Variants in CLIP1 observed in about 807,000 individuals in gnomAD.
The protein encoded by CLIP1 is CAP-Gly domain-containing linker protein 1.
CLIP1 carries 66 observed loss-of-function variants against 161.6 expected under a neutral mutation model. The observed-to-expected ratio is 0.41, with a 90% CI of 0.33 to 0.50. The LOEUF is 0.50. Among genes scored for constraint, CLIP1 ranks in the 20% least tolerant of loss-of-function variants. The probability of loss-of-function intolerance (pLI) is 0.27; values close to 1 mark genes in which losing one functional copy is unlikely to be tolerated. For synonymous variants in CLIP1, 598 were observed against 626.2 expected (o/e 0.96, Z 0.67); for missense variants, 1,376 against 1,702.0 (o/e 0.81, Z 3.37).
At position 122,336,321 on chromosome 12, in the gene CLIP1, C is replaced by T. The variant is rs550514460; in HGVS notation, c.2568+311G>A. Among the ~76,000 whole-genome samples, 28 of 149,922 alleles carry T rather than the reference C, an allele frequency of 1.9e-4. No homozygotes were observed. In the South Asian group the frequency reaches 5.2e-3, roughly 28 times the overall value. On this transcript the variant is annotated intron_variant, in intron 12 of 25. Coordinates refer to ENST00000620786, the MANE Select transcript of CLIP1 (RefSeq NM_001247997.2). ...ATTCAATATGAAACCTAACTGTGTTCGATGTATAACTTGGAAGGGCTCTGT... is the reference window on the plus strand; with the variant it reads ...ATTCAATATGAAACCTAACTGTGTTTGATGTATAACTTGGAAGGGCTCTGT...
chr12:122,382,641 G>A (rs1237528012), intron 1 of CLIP1, among the ~76,000 whole-genome samples: 1 of 152,072 alleles, frequency 6.6e-6, no homozygotes, highest in Non-Finnish European at 1.5e-5. Context: ...AGGAGGCAGA[G>A]GCTGCAGTGA....
Position 122,272,021 on chromosome 12 carries a change from A to T in CLIP1, c.*854T>A, listed in dbSNP as rs28364758. On this transcript the variant is annotated 3_prime_UTR_variant, in exon 26 of 26. Transcript: ENST00000620786. Reference sequence around the variant, plus strand: ...AACAAACAAATGAAAATGGTTGCAAAGCCACAAGATGCTATGTCTGGCCTA... The same window carrying T: ...AACAAACAAATGAAAATGGTTGCAATGCCACAAGATGCTATGTCTGGCCTA... 4 of 152,682 alleles carry T rather than the reference A, an allele frequency of 2.6e-5. No individual in the cohort carries two copies. The East Asian group carries it at 7.7e-4, about 29-fold the overall frequency. 9.5% of individuals were successfully genotyped at this position (152,682 alleles called of 1,614,324 possible).
At chr12:122,330,597 G>GTTTTTTTTTTTTGTTTT (rs376140195) in intron 15 of CLIP1, among the ~76,000 whole-genome samples, 6 of 101,402 alleles carry the variant, frequency 5.9e-5, no homozygotes, top group African/African-American at 2.6e-4. Context: ...GTATAATGCA[G>GTTTTTTTTTTTTGTTTT]TTTTTTTTTT....
At chr12:122,333,597 G>A (rs1466195241) in intron 14 of CLIP1, among the ~76,000 whole-genome samples, 5 of 152,216 alleles carry the variant, frequency 3.3e-5, no homozygotes, top group Non-Finnish European at 7.3e-5. Flanking sequence ...TAAGGATCAC[G>A]GCTTTCCCTG....
At chr12:122,349,016 C>T (rs1173712571) in intron 9 of CLIP1, among the ~76,000 whole-genome samples, 1 of 152,144 alleles carries the variant, frequency 6.6e-6, no homozygotes, top group Admixed American at 6.6e-5. Flanking sequence ...AATTCATCAC[C>T]TGCTTCAGCT....
chr12:122,312,736 G>C (rs1317918520), intron 19 of CLIP1, among the ~76,000 whole-genome samples: 1 of 152,168 alleles, frequency 6.6e-6, no homozygotes, highest in African/African-American at 2.4e-5. Flanking sequence ...CTGTACTCTA[G>C]CTAGGGCAAC....
chr12:122,296,452 C>T (rs1950470302), intron 20 of CLIP1, among the ~76,000 whole-genome samples: 1 of 152,114 alleles, frequency 6.6e-6, no homozygotes, highest in Non-Finnish European at 1.5e-5. Flanking sequence ...TATGCATTTG[C>T]ATATGCTGGT....
At chr12:122,291,849 ACTT>A (rs1486632895) in intron 20 of CLIP1, among the ~76,000 whole-genome samples, 1 of 152,184 alleles carries the variant, frequency 6.6e-6, no homozygotes, top group Non-Finnish European at 1.5e-5. Context: ...ACTTTTACCT[ACTT>A]GTTTTAGCAC....
At chr12:122,389,090 C>CA (rs1955465493) in intron 1 of CLIP1, among the ~76,000 whole-genome samples, 1 of 152,164 alleles carries the variant, frequency 6.6e-6, no homozygotes, top group African/African-American at 2.4e-5. Context: ...AAACTTGGCT[C>CA]AAGGGCAAAC....
intron 19 of CLIP1, among the ~76,000 whole-genome samples, chr12:122,310,124 C>T (rs1312194931): frequency 2.0e-5 from 3 of 152,142 alleles, no homozygotes; most frequent in Non-Finnish European, 4.4e-5. Flanking sequence ...TATGCCCACC[C>T]TCCCACCACC....
rs1682236041 is a variant in CLIP1 at position 122,279,113 on chromosome 12, T to G, written c.3680A>C (p.Glu1227Ala). The change falls in exon 22 of 26, where the codon GAG (glutamate) becomes GCG (alanine). Residue 1227 changes from glutamate to alanine, a missense_variant. Glu to Ala is a moderately radical substitution (Grantham distance 107, BLOSUM62 -1). Around this residue, in one of 6 missense-constraint regions of CLIP1, gnomAD observed 948 missense variants for 1,134.8 expected, o/e 0.84. Transcript: ENST00000620786. The surrounding 1 kb of genome is among the most constrained non-coding windows in gnomAD (Gnocchi z 4.5). ...ESKFIKDADEEKASLQKSISI... is the reference protein window; with the variant it reads ...ESKFIKDADEAKASLQKSISI... ...GATGGATTTCTGCAAGGAAGCTTTC[T>G]CTTCATCTGCGTCTTTTATGAACTT... The G allele has an allele frequency of 6.2e-7, 1 of 1,612,504 alleles. No homozygotes were observed. The highest frequency in any genetic ancestry group is 1.3e-5 in the African/African-American group (1 of 74,948).
intron 5 of CLIP1, among the ~76,000 whole-genome samples, chr12:122,358,832 G>A (rs577647524): frequency 1.2e-4 from 18 of 151,966 alleles, no homozygotes; most frequent in Non-Finnish European, 1.9e-4. Flanking sequence ...AAGCAGAGGC[G>A]GGCAGATCAC....
intron 9 of CLIP1, among the ~76,000 whole-genome samples, chr12:122,350,666 C>T (rs1445014692): frequency 1.3e-5 from 2 of 151,320 alleles, no homozygotes; most frequent in African/African-American, 4.9e-5. Flanking sequence ...CCTCACAATC[C>T]CCTTTCCTCT....
intron 20 of CLIP1, among the ~76,000 whole-genome samples, chr12:122,289,964 A>G (rs918618571): frequency 1.1e-4 from 17 of 152,172 alleles, no homozygotes; most frequent in African/African-American, 3.9e-4. Flanking sequence ...GCCTACCACC[A>G]TGCCCAGCTA....
chr12:122,397,429 T>G (rs1407007219), intron 1 of CLIP1, among the ~76,000 whole-genome samples: 3 of 149,492 alleles, frequency 2.0e-5, no homozygotes, highest in African/African-American at 7.4e-5. Flanking sequence ...CAAAAACCTC[T>G]CTCTACAAAA....
intron 6 of CLIP1, 57 bp from the exon 7 acceptor site, chr12:122,354,613 G>C (rs1953237557): frequency 7.3e-7 from 1 of 1,377,338 alleles, no homozygotes; most frequent in Non-Finnish European, 1.0e-6. Context: ...TACAGACCCA[G>C]TGATACTTCT....
At chr12:122,298,297 A>G (rs1279730410) in intron 20 of CLIP1, among the ~76,000 whole-genome samples, 1 of 152,190 alleles carries the variant, frequency 6.6e-6, no homozygotes, top group Non-Finnish European at 1.5e-5. Context: ...GAATATGTAC[A>G]TGAATTATGT....
intron 17 of CLIP1, 32 bp from the exon 18 acceptor site, chr12:122,319,380 G>A (rs370537253): frequency 2.0e-5 from 31 of 1,523,310 alleles, no homozygotes; most frequent in Non-Finnish European, 2.8e-5. Flanking sequence ...GAGAAATGAG[G>A]ACAGCCCTCG....
chr12:122,324,530 G>T (rs1004721062), intron 17 of CLIP1, among the ~76,000 whole-genome samples: 7 of 152,130 alleles, frequency 4.6e-5, no homozygotes, highest in African/African-American at 1.4e-4. Flanking sequence ...ACAAGGGAAA[G>T]AAACTAAACA....
Sources: gnomAD v4.1 joint callset for allele counts (sites outside exome capture counted in the v4.1 genomes callset) on GRCh38, gnomAD v4.1.1 for gene constraint, gnomAD v4.1.1 regional missense constraint, Gnocchi (gnomAD v3.1) non-coding constraint, MANE v1.5 for transcripts, NCBI Gene and HGNC (gene_info 2026-07-23, HGNC 2026-07-21) for gene names.